SIDT1: variants seen among roughly 807,000 people sequenced by gnomAD.
The protein encoded by SIDT1 is SID1 transmembrane family member 1, also known as SID1 transmembrane family, member 1.
In SIDT1, 101 loss-of-function variants were observed where a neutral mutation model predicts 107.5. That is an observed-to-expected ratio of 0.94 (90% CI 0.80 to 1.11). SIDT1 has a LOEUF of 1.11. SIDT1 is among the 50% of genes least tolerant of loss of function. The probability of loss-of-function intolerance (pLI) is 0.00; values close to 1 mark genes in which losing one functional copy is unlikely to be tolerated. For synonymous variants in SIDT1, 395 were observed against 398.2 expected, an observed-to-expected ratio of 0.99 and a Z score of 0.10; for missense variants, 1,076 against 1,058.2, an observed-to-expected ratio of 1.02 and a Z score of -0.23.
intron 9 of SIDT1, among the ~76,000 whole-genome samples, chr3:113,586,117 A>G (rs972552195): frequency 6.6e-6 from 1 of 152,222 alleles, no homozygotes; most frequent in African/African-American, 2.4e-5. Context: ...TTTTAAGAAT[A>G]TGGGTCTATC....
At chr3:113,554,014 T>C (rs1940569871) in intron 1 of SIDT1, among the ~76,000 whole-genome samples, 1 of 152,028 alleles carries the variant, frequency 6.6e-6, no homozygotes, top group Non-Finnish European at 1.5e-5. Flanking sequence ...GCCATTGAAC[T>C]CCAATCCAGC....
chr3:113,610,624 C>T (rs1490366543), intron 17 of SIDT1, among the ~76,000 whole-genome samples: 14 of 152,200 alleles, frequency 9.2e-5, no homozygotes. Context: ...ATTTTATGGT[C>T]ACACTGCCTA....
At chr3:113,608,798 G>A (rs887667171) in intron 17 of SIDT1, among the ~76,000 whole-genome samples, 14 of 152,124 alleles carry the variant, frequency 9.2e-5, no homozygotes, top group Non-Finnish European at 1.8e-4. Flanking sequence ...TGATTTATCT[G>A]GTGACTCTGC....
chr3:113,636,170 C>T, the SIDT1 span, among the ~76,000 whole-genome samples: 4 of 151,938 alleles, frequency 2.6e-5, no homozygotes, highest in East Asian at 3.9e-4. Context: ...TTTGGGAGGC[C>T]GAGGGGGCCA....
At chr3:113,597,291 G>GATTGAGA (rs1409148976) in intron 10 of SIDT1, among the ~76,000 whole-genome samples, 1 of 152,036 alleles carries the variant, frequency 6.6e-6, no homozygotes, top group African/African-American at 2.4e-5. Context: ...ACAGTCAGCA[G>GATTGAGA]ATTGAGACCA....
intron 1 of SIDT1, among the ~76,000 whole-genome samples, chr3:113,537,756 G>C (rs1039024804): frequency 1.6e-4 from 25 of 152,208 alleles, no homozygotes; most frequent in African/African-American, 6.0e-4. Flanking sequence ...AGAGCAAAGA[G>C]AGAAGAATAG....
In SIDT1 at chr3:113,623,668, G is replaced by A. The variant is rs760461900; in HGVS notation, c.2242G>A (p.Val748Met). The A allele has an allele frequency of 6.2e-7, 1 of 1,614,132 alleles. No individual in the cohort carries two copies. The highest frequency in any genetic ancestry group is 1.1e-5 in the South Asian group (1 of 91,092). The change falls in exon 23 of 25, where the codon GTG (valine) becomes ATG (methionine). Residue 748 changes from valine to methionine, a missense_variant. Coordinates refer to ENST00000264852, the MANE Select transcript of SIDT1 (RefSeq NM_017699.3). ...CCTCCCAGTCCCGCTCTTCTGCATC[G>A]TGGCCACCGCTGTGATGTGGGCTGC... Reference protein sequence around the residue: ...KVLPVPLFCIVATAVMWAAAL... With the variant: ...KVLPVPLFCIMATAVMWAAAL...
At chr3:113,607,963 A>C in intron 15 of SIDT1, 131 bp from the exon 16 acceptor site, 1 of 1,076,542 alleles carries the variant, frequency 9.3e-7, no homozygotes, top group Non-Finnish European at 1.3e-6. Context: ...TACTTTTCTG[A>C]TCTTGAAACC....
chr3:113,547,314 A>C (rs751542449), intron 1 of SIDT1, among the ~76,000 whole-genome samples: 9 of 152,130 alleles, frequency 5.9e-5, no homozygotes, highest in Non-Finnish European at 1.2e-4. Context: ...CTGTAGAGGA[A>C]TGTTCTTATT....
intron 1 of SIDT1, among the ~76,000 whole-genome samples, chr3:113,537,744 A>G (rs1938340253): frequency 6.6e-6 from 1 of 152,230 alleles, no homozygotes; most frequent in Admixed American, 6.5e-5. Context: ...CACGTGGCCA[A>G]GAGAGCAAAG....
intron 1 of SIDT1, among the ~76,000 whole-genome samples, chr3:113,542,936 G>GTGTGTGTT (rs1553777630): frequency 1.5e-4 from 18 of 118,536 alleles, no homozygotes; most frequent in African/African-American, 5.7e-4. Context: ...GTGTGTGTGT[G>GTGTGTGTT]TGTTTGTTTG....
chr3:113,605,072 C>G, intron 14 of SIDT1, 96 bp downstream of exon 14: 2 of 1,320,290 alleles, frequency 1.5e-6, no homozygotes, highest in Middle Eastern at 2.1e-4. Flanking sequence ...AACTTAGGAT[C>G]CATTCAGGAA....
At chr3:113,617,909 T>C (rs1039263276) in intron 20 of SIDT1, among the ~76,000 whole-genome samples, 4 of 152,156 alleles carry the variant, frequency 2.6e-5, no homozygotes, top group Admixed American at 2.0e-4. Flanking sequence ...TTGGTTACAG[T>C]TGATGAGCCT....
At chr3:113,560,847 C>T (rs1941365580) in intron 1 of SIDT1, among the ~76,000 whole-genome samples, 1 of 152,084 alleles carries the variant, frequency 6.6e-6, no homozygotes, top group Non-Finnish European at 1.5e-5. Flanking sequence ...GAACCTTTCC[C>T]TACTGACATG....
rs745995133 is a variant in SIDT1 at position 113,533,227 on chromosome 3, C to G, written c.206C>G (p.Thr69Ser). The part of the protein sequence containing the change: ...STENIYSFNY[T>S]SQPDQVTAVR... ...GAGAACATCTACTCTTTCAACTACA[C>G]CAGCCAGCCCGACCAGGTAAGACAC... is the stretch of plus-strand genomic sequence containing the variant. Residue 69 changes from threonine to serine, a missense_variant, in exon 1 of 25, where the codon ACC (threonine) becomes AGC (serine). By Grantham distance (58) the Thr-to-Ser change is moderately conservative. Coordinates refer to ENST00000264852, the MANE Select transcript of SIDT1 (RefSeq NM_017699.3). 80 of 1,489,904 alleles carry G rather than the reference C, an allele frequency of 5.4e-5. No homozygotes were observed. The highest frequency in any genetic ancestry group is 6.8e-5 in the Non-Finnish European group (76 of 1,115,210). The allele number at this position is 1,489,904 out of a possible 1,614,324, so 92.3% of individuals were successfully genotyped here.
At chr3:113,605,778 T>C (rs544417371) in intron 14 of SIDT1, among the ~76,000 whole-genome samples, 16 of 152,006 alleles carry the variant, frequency 1.1e-4, no homozygotes, top group Non-Finnish European at 2.2e-4. Flanking sequence ...CCTAGGCAGG[T>C]GGATTGCCTG....
intron 21 of SIDT1, among the ~76,000 whole-genome samples, chr3:113,622,078 A>C (rs373577596): frequency 2.6e-5 from 4 of 152,242 alleles, no homozygotes; most frequent in Non-Finnish European, 4.4e-5. Context: ...GAAATTAGAA[A>C]TATGAATCAG....
At chr3:113,600,918 G>T (rs1944915344) in intron 10 of SIDT1, among the ~76,000 whole-genome samples, 1 of 152,182 alleles carries the variant, frequency 6.6e-6, no homozygotes, top group African/African-American at 2.4e-5. Context: ...CATGCATTCT[G>T]AGGGCCAAAG....
chr3:113,625,144 G>A (rs944898613), intron 23 of SIDT1, among the ~76,000 whole-genome samples: 2 of 142,616 alleles, frequency 1.4e-5, no homozygotes, highest in African/African-American at 5.5e-5. Context: ...TCTTTTTTTT[G>A]GGGGGGCGGG....
Sources: allele counts gnomAD v4.1 joint callset (sites outside exome capture counted in the v4.1 genomes callset), GRCh38; gene constraint gnomAD v4.1.1; transcripts MANE v1.5; gene names NCBI Gene and HGNC (gene_info 2026-07-23, HGNC 2026-07-21).